NBPF19: variants seen among roughly 807,000 people sequenced by gnomAD.
NBPF19 encodes NBPF family member NBPF19.
NBPF19 carries 30 observed loss-of-function variants against 45.9 expected under a neutral mutation model. The observed-to-expected ratio is 0.65, with a 90% CI of 0.49 to 0.89. The LOEUF (loss-of-function observed/expected upper bound fraction) is 0.89, where lower values mean the gene tolerates loss of function less well. NBPF19 is among the 40% of genes least tolerant of loss of function. The pLI is 0.00. For synonymous variants in NBPF19, 183 were observed against 181.2 expected (o/e 1.01, Z -0.08); for missense variants, 495 against 471.8 (o/e 1.05, Z -0.46).
At chr1:149,486,902 T>C (rs1445702320) in intron 8 of NBPF19, among the ~76,000 whole-genome samples, 1 of 150,388 alleles carries the variant, frequency 6.6e-6, no homozygotes, top group Non-Finnish European at 1.5e-5. Flanking sequence ...TAGAACCAAG[T>C]TTCATTTTGA....
intron 8 of NBPF19, 140 bp from the exon 9 acceptor site, chr1:149,487,192 G>A (rs1461367959): frequency 2.1e-5 from 17 of 793,626 alleles, no homozygotes; most frequent in South Asian, 4.0e-5. Flanking sequence ...TTGACCTCAG[G>A]CCTACTGCAA....
At position 149,554,925 on chromosome 1, in the gene NBPF19, G is replaced by T. The variant is rs1228951078; in HGVS notation, c.*187G>T. On this transcript the variant is annotated 3_prime_UTR_variant, in exon 94 of 94. Transcript: ENST00000651566. Reference sequence around the variant, plus strand: ...CTCAGTCTGAAGACAATGGACCCACGTTAGGTGTGACACGTTCACATAACT... The same window carrying T: ...CTCAGTCTGAAGACAATGGACCCACTTTAGGTGTGACACGTTCACATAACT... 4 of 1,040,470 alleles carry T rather than the reference G, an allele frequency of 3.8e-6. No individual in the cohort carries two copies. The highest frequency in any genetic ancestry group is 1.6e-5 in the African/African-American group (1 of 62,652). The allele number at this position is 1,040,470 out of a possible 1,614,324, so 64.5% of individuals were successfully genotyped here. A position where few individuals can be genotyped will look rare whatever the true frequency, so the allele number is the denominator to read the frequency against.
intron 8 of NBPF19, 109 bp downstream of exon 8, chr1:149,486,402 G>C (rs1405009252): frequency 6.0e-6 from 4 of 671,714 alleles, no homozygotes; most frequent in East Asian, 2.7e-5. Context: ...CATCACCGTG[G>C]GCTGAACCTA....
intron 40 of NBPF19, among the ~76,000 whole-genome samples, chr1:149,512,233 T>A (rs1365036347): frequency 6.9e-6 from 1 of 145,966 alleles, no homozygotes; most frequent in Non-Finnish European, 1.5e-5. Context: ...ACATTGGACC[T>A]GGGCAGATGT....
Position 149,487,440 on chromosome 1 carries a change from T to C in NBPF19, c.1040+57T>C, listed in dbSNP as rs1196595057. Reference sequence around the variant, plus strand: ...GATGTTGACACCTGGAGATGCCAAGTCCAGGGAAAACAGTACATGCTGAAA... The same window carrying C: ...GATGTTGACACCTGGAGATGCCAAGCCCAGGGAAAACAGTACATGCTGAAA... On this transcript the variant is annotated intron_variant, in intron 9 of 93. Transcript: ENST00000651566. 2.0e-5 allele frequency: 19 copies of C among 945,334 alleles called. 1 individual carries two copies. The highest frequency in any genetic ancestry group is 6.5e-5 in the African/African-American group (4 of 61,862). The allele number at this position is 945,334 out of a possible 1,614,324, so 58.6% of individuals were successfully genotyped here.
At chr1:149,487,823 G>GTGTA (rs2085692541) in intron 9 of NBPF19, among the ~76,000 whole-genome samples, 190 bp from the exon 10 acceptor site, 1 of 135,012 alleles carries the variant, frequency 7.4e-6, no homozygotes, top group Admixed American at 7.7e-5. Context: ...GTGTGTGTGT[G>GTGTA]TCTTTCTCGT....
intron 17 of NBPF19, 101 bp from the exon 18 acceptor site, chr1:149,494,217 T>C (rs2085997227): frequency 5.5e-6 from 2 of 364,778 alleles, no homozygotes; most frequent in Non-Finnish European, 9.3e-6. Flanking sequence ...TCTGTCCTTT[T>C]TCTTTTTAAA....
At position 149,554,658 on chromosome 1, in the gene NBPF19, T is replaced by A; in HGVS notation, c.11452T>A (p.Tyr3818Asn). ...GGAAGAGCATATCAGCTTCGCCCTT[T>A]ACTTGGACAATAGGTTTTTTACTTT... Reference protein sequence around the residue: ...FEEEHISFALYLDNRFFTLTV... With the variant: ...FEEEHISFALNLDNRFFTLTV... Residue 3818 changes from tyrosine (Y) to asparagine (N), a missense_variant, in exon 94 of 94, where the codon TAC becomes AAC. Tyr to Asn is a moderately radical substitution (Grantham distance 143, BLOSUM62 -2). This residue lies in a region of NBPF19 where 248 missense variants were observed against 95.4 expected (regional missense o/e 2.60). Transcript: ENST00000651566. 10 of 1,608,308 alleles carry A rather than the reference T, an allele frequency of 6.2e-6. No homozygotes were observed. The highest frequency in any genetic ancestry group is 7.6e-6 in the Non-Finnish European group (9 of 1,176,756).
rs1474843294 is a variant in NBPF19, at chr1:149,483,778, T to G, written c.824+1552T>G. Among the ~76,000 whole-genome samples, 13 of 64,060 alleles carry G rather than the reference T, an allele frequency of 2.0e-4. No individual in the cohort carries two copies. The East Asian group carries it at 6.5e-3, about 32-fold the overall frequency. The allele number at this position is 64,060 out of a possible 152,430, so 42.0% of individuals were successfully genotyped here. On this transcript the variant is annotated intron_variant, in intron 7 of 93. Coordinates refer to ENST00000651566, the MANE Select transcript of NBPF19 (RefSeq NM_001351365.2). ...TTCTCTGTAAAGGATTTATTTCTCC[T>G]TCACTTATGAAGCTTTGTTTGGCTG... is the stretch of plus-strand genomic sequence containing the variant.
rs1449571879 is a variant in NBPF19, at chr1:149,487,454, T to C, written c.1040+71T>C. 8.5e-6 allele frequency: 8 copies of C among 939,712 alleles called. 1 individual carries two copies. Among genetic ancestry groups the C allele is most frequent in the Non-Finnish European group, 1.2e-5 (7 of 579,074 alleles). The allele number at this position is 939,712 out of a possible 1,614,324, so 58.2% of individuals were successfully genotyped here. A position where few individuals can be genotyped will look rare whatever the true frequency, so the allele number is the denominator to read the frequency against. ...GAGATGCCAAGTCCAGGGAAAACAGTACATGCTGAAAATAATGATTTTGTC... is the reference window on the plus strand; with the variant it reads ...GAGATGCCAAGTCCAGGGAAAACAGCACATGCTGAAAATAATGATTTTGTC... On this transcript the variant is annotated intron_variant, in intron 9 of 93. Transcript: ENST00000651566.
At chr1:149,519,093 C>A (rs2086585627) in intron 49 of NBPF19, 50 bp downstream of exon 49, 9 of 2,110 alleles carry the variant, frequency 4.3e-3, no homozygotes, top group Middle Eastern at 0.1. Context: ...TCTGGAGACT[C>A]CTGGTTCAGG....
chr1:149,487,436 C>T, intron 9 of NBPF19, 53 bp downstream of exon 9: 1 of 952,608 alleles, frequency 1.0e-6, no homozygotes, highest in South Asian at 1.3e-5. Context: ...CTGGAGATGC[C>T]AAGTCCAGGG....
Position 149,477,205 on chromosome 1 carries a change from T to C in NBPF19, c.176-740T>C, listed in dbSNP as rs1195005251. ...TACAATAATACCTACCTCTGTAAAT[T>C]GCTGCAATGAATTACATGAGGTATT... On this transcript the variant is annotated intron_variant, in intron 2 of 93. Coordinates refer to ENST00000651566, the MANE Select transcript of NBPF19 (RefSeq NM_001351365.2). Among the ~76,000 whole-genome samples, 33 of 150,588 alleles carry C rather than the reference T, an allele frequency of 2.2e-4. 1 individual carries two copies. The highest frequency in any genetic ancestry group is 7.8e-4 in the African/African-American group (32 of 40,960).
rs1426874819 is a variant in NBPF19, at chr1:149,475,446, A to T, written c.-385A>T. ...AGGAATATGCTTAGATGTATTGGGA[A>T]AGACATGGGTCTGTGGCATTGTCAC... On this transcript the variant is annotated 5_prime_UTR_variant, in exon 1 of 94. Coordinates refer to ENST00000651566, the MANE Select transcript of NBPF19 (RefSeq NM_001351365.2). 3.3e-4 allele frequency among the ~76,000 whole-genome samples: 50 copies of T among 151,106 alleles called. No homozygotes were observed. The East Asian group carries it at 9.1e-3, about 28-fold the overall frequency.
At position 149,477,809 on chromosome 1, in the gene NBPF19, T is replaced by C. The variant is rs1335220672; in HGVS notation, c.176-136T>C. ...AAGTCAGGAGACTGAAGAATAAAGA[T>C]GTGGAAATCCCTGTCTAGACCCTGG... is the stretch of plus-strand genomic sequence containing the variant. On this transcript the variant is annotated intron_variant, in intron 2 of 93. Transcript: ENST00000651566. 4.0e-5 allele frequency: 35 copies of C among 869,536 alleles called. 1 individual carries two copies. The African/African-American group carries it at 5.1e-4, about 13-fold the overall frequency. 53.9% of individuals were successfully genotyped at this position (869,536 alleles called of 1,614,324 possible). A position where few individuals can be genotyped will look rare whatever the true frequency, so the allele number is the denominator to read the frequency against.
chr1:149,487,933 T>A (rs1353455697), intron 9 of NBPF19, 80 bp from the exon 10 acceptor site: 1 of 725,484 alleles, frequency 1.4e-6, no homozygotes, highest in East Asian at 2.6e-5. Context: ...CTCTTCCTTA[T>A]GTTAGCCATG....
At chr1:149,487,551 C>G (rs1293948548) in intron 9 of NBPF19, among the ~76,000 whole-genome samples, 168 bp downstream of exon 9, 4 of 150,932 alleles carry the variant, frequency 2.7e-5, no homozygotes, top group African/African-American at 9.7e-5. Flanking sequence ...TTTAGGTTTC[C>G]ATTTCTTCCT....
At chr1:149,476,949 A>G (rs2084872102) in intron 2 of NBPF19, among the ~76,000 whole-genome samples, 1 of 150,890 alleles carries the variant, frequency 6.6e-6, no homozygotes, top group Non-Finnish European at 1.5e-5. Flanking sequence ...AAACAAACAA[A>G]AAGATAAATA....
rs1308084931 is a variant in NBPF19 at position 149,488,200 on chromosome 1, A to G, written c.1213+15A>G. 58 of 615,120 alleles carry G rather than the reference A, an allele frequency of 9.4e-5. 2 individuals carry two copies. The highest frequency in any genetic ancestry group is 1.4e-4 in the Non-Finnish European group (47 of 346,836). 38.1% of individuals were successfully genotyped at this position (615,120 alleles called of 1,614,324 possible). On this transcript the variant is annotated intron_variant, in intron 10 of 93. Coordinates refer to ENST00000651566, the MANE Select transcript of NBPF19 (RefSeq NM_001351365.2). ...TGACATGGATGGTGAGTACCTTTCTATGAAGGTGATAAGGATCCACTGAGT... is the reference window on the plus strand; with the variant it reads ...TGACATGGATGGTGAGTACCTTTCTGTGAAGGTGATAAGGATCCACTGAGT...
Sources: gnomAD v4.1 joint callset for allele counts (sites outside exome capture counted in the v4.1 genomes callset) on GRCh38, gnomAD v4.1.1 for gene constraint, gnomAD v4.1.1 regional missense constraint, MANE v1.5 for transcripts, NCBI Gene and HGNC (gene_info 2026-07-23, HGNC 2026-07-21) for gene names.